The following HSPG2 variants were observed in gnomAD, a reference collection of about 807,000 sequenced individuals.
HSPG2 encodes heparan sulfate proteoglycan 2.
HSPG2 carries 278 observed loss-of-function variants against 526.6 expected under a neutral mutation model. That is an observed-to-expected ratio of 0.53 (90% CI 0.48 to 0.58). The LOEUF (loss-of-function observed/expected upper bound fraction) is 0.58, where lower values mean the gene tolerates loss of function less well. HSPG2 is among the 20% of genes least tolerant of loss of function. HSPG2 has a pLI of 0.00. For missense variants in HSPG2, 5,354 were observed against 6,099.5 expected, an observed-to-expected ratio of 0.88 and a Z score of 4.07; for synonymous variants, 2,465 against 2,555.4, an observed-to-expected ratio of 0.96 and a Z score of 1.07.
chr1:21,869,356 G>A, intron 33 of HSPG2: 1 of 686,052 alleles, frequency 1.5e-6, no homozygotes, highest in Non-Finnish European at 1.8e-6. Flanking sequence ...AAATTGGAAA[G>A]AAATAATAGT....
Position 21,831,715 on chromosome 1 carries a change from C to T in HSPG2, c.11289G>A (p.Leu3763=), listed in dbSNP as rs375617316. The change falls in exon 82 of 97, where the codon CTG becomes CTA. Residue 3763 remains leucine (L), a synonymous_variant. Transcript: ENST00000374695. ...ALGHFHTVTL[L]RSLTQGSLIV... Reference sequence around the variant, plus strand: ...TCAGGGAGCCCTGGGTGAGGCTGCGCAGCAGGGTCACGGTGTGGAAATGGC... The same window carrying T: ...TCAGGGAGCCCTGGGTGAGGCTGCGTAGCAGGGTCACGGTGTGGAAATGGC... 2.5e-4 allele frequency: 406 copies of T among 1,606,290 alleles called. 4 individuals carry two copies. In the East Asian group the frequency reaches 5.9e-3, roughly 23 times the overall value.
chr1:21,906,717 A>G (rs139997747), intron 1 of HSPG2, among the ~76,000 whole-genome samples: 675 of 57,386 alleles, frequency 0.012, 9 homozygotes, highest in African/African-American at 0.046. Flanking sequence ...AAGCAACATG[A>G]TGGGACTGGG....
rs774822789 is a variant in HSPG2, at chr1:21,851,852, G to T, written c.6945C>A (p.Asn2315Lys). ...DAGQYVCRASNGMEASITVTV... is the reference protein window; with the variant it reads ...DAGQYVCRASKGMEASITVTV... ...TGACCGTGATGGAGGCCTCCATGCC[G>T]TTGCTGGCCCGGCAGACGTACTGTC... The change falls in exon 54 of 97, where the codon AAC (asparagine) becomes AAA (lysine). Residue 2315 changes from asparagine to lysine, a missense_variant. Transcript: ENST00000374695. The T allele has an allele frequency of 6.2e-7, 1 of 1,613,440 alleles. No individual in the cohort carries two copies. Among genetic ancestry groups the T allele is most frequent in the Admixed American group, 1.7e-5 (1 of 60,016 alleles).
chr1:21,890,024 G>A lies in HSPG2; in HGVS notation c.531C>T (p.Tyr177=), dbSNP rs764142994. 1.5e-5 allele frequency: 25 copies of A among 1,613,958 alleles called. No individual in the cohort carries two copies. Among genetic ancestry groups the A allele is most frequent in the South Asian group, 1.4e-4 (13 of 91,086 alleles). The change falls in exon 6 of 97, where the codon TAC becomes TAT. Residue 177 remains tyrosine, a synonymous_variant. Coordinates refer to ENST00000374695, the MANE Select transcript of HSPG2 (RefSeq NM_005529.7). This position sits in a 1 kb window ranked among gnomAD's most constrained non-coding sequence, Gnocchi z 4.1. ...RVISSGSVAS[Y]VTSPQGFQFR... ...ACTGGAATCCCTGGGGAGAGGTGAC[G>A]TAGGAGGCCACAGAGCCGCTGGAGA...
intron 1 of HSPG2, among the ~76,000 whole-genome samples, chr1:21,929,461 G>A (rs1418797538): frequency 2.0e-5 from 3 of 151,312 alleles, no homozygotes; most frequent in Non-Finnish European, 2.9e-5. Context: ...AGGCTGGAGC[G>A]CAGTGGCAAG....
intron 21 of HSPG2, chr1:21,877,388 T>C (rs2152750364): frequency 6.5e-6 from 1 of 153,114 alleles, no homozygotes; most frequent in East Asian, 1.9e-4. Flanking sequence ...GTGAAATGAC[T>C]TGCACAAAGT....
intron 1 of HSPG2, among the ~76,000 whole-genome samples, chr1:21,915,819 G>A (rs35316462): frequency 0.011 from 1,713 of 152,162 alleles, 19 homozygotes; most frequent in South Asian, 0.025. Flanking sequence ...GGAGGCCGAG[G>A]TGGGCGGATC....
chr1:21,833,638 GCCCTGGCCTTGGCCCACGGCT>G, intron 78 of HSPG2, 24 bp from the exon 79 acceptor site: 1 of 1,613,858 alleles, frequency 6.2e-7, no homozygotes, highest in South Asian at 1.1e-5. Flanking sequence ...AGCACTGAGG[GCCCTGGCCTTGGCCCACGGCT>G]CCAGGGGCCC....
At chr1:21,827,234 C>T (rs1164271678) in intron 91 of HSPG2, among the ~76,000 whole-genome samples, 1 of 152,118 alleles carries the variant, frequency 6.6e-6, no homozygotes, top group Non-Finnish European at 1.5e-5. Context: ...AGTAATTTTA[C>T]TCTCACATAA....
rs542307303 is a variant in HSPG2 at position 21,909,040 on chromosome 1, G to A, written c.64-12730C>T. Among the ~76,000 whole-genome samples, 61 of 152,330 alleles carry A rather than the reference G, an allele frequency of 4.0e-4. 1 individual carries two copies. In the South Asian group the frequency reaches 0.013, roughly 32 times the overall value. On this transcript the variant is annotated intron_variant, in intron 1 of 96. Coordinates refer to ENST00000374695, the MANE Select transcript of HSPG2 (RefSeq NM_005529.7). ...GGAGAATCGCTTGAACCCGGGAGGTGGAGGTTGCAGTGGGCCAAGATGGCG... is the reference window on the plus strand; with the variant it reads ...GGAGAATCGCTTGAACCCGGGAGGTAGAGGTTGCAGTGGGCCAAGATGGCG...
Position 21,855,804 on chromosome 1 carries a change from G to A in HSPG2, c.5684C>T (p.Pro1895Leu), listed in dbSNP as rs772032943. 5.0e-6 allele frequency: 8 copies of A among 1,613,246 alleles called. 1 individual carries two copies. In the South Asian group the frequency reaches 8.8e-5, roughly 18 times the overall value. Residue 1895 changes from proline (P) to leucine (L), a missense_variant, in exon 45 of 97, where the codon CCC becomes CTC. Coordinates refer to ENST00000374695, the MANE Select transcript of HSPG2 (RefSeq NM_005529.7). ...FRCSATGSPT[P>L]TLEWTGGPGG... ...GGCCTCACCTGTCCACTCGAGGGTGGGCGTGGGGCTCCCTGTGGCGCTGCA... is the reference window on the plus strand; with the variant it reads ...GGCCTCACCTGTCCACTCGAGGGTGAGCGTGGGGCTCCCTGTGGCGCTGCA...
intron 1 of HSPG2, 137 bp from the exon 2 acceptor site, chr1:21,896,447 A>C: frequency 9.3e-7 from 1 of 1,075,514 alleles, no homozygotes; most frequent in Non-Finnish European, 1.4e-6. Context: ...AGTATGGCTC[A>C]GTGAGCCAGG....
chr1:21,856,446 C>A (rs1442152260), intron 44 of HSPG2, among the ~76,000 whole-genome samples: 2 of 152,018 alleles, frequency 1.3e-5, no homozygotes, highest in Non-Finnish European at 2.9e-5. Context: ...GAGATGGATT[C>A]TTGCTCTGTC....
chr1:21,835,965 CAG>C (rs1342612426), intron 75 of HSPG2, among the ~76,000 whole-genome samples: 7 of 113,366 alleles, frequency 6.2e-5, no homozygotes, highest in African/African-American at 2.5e-4. Context: ...GCGTGGGTGA[CAG>C]AGTAAGATTC....
chr1:21,852,955 C>A lies in HSPG2; in HGVS notation c.6555G>T (p.Trp2185Cys). The change falls in exon 51 of 97, where the codon TGG becomes TGT. Residue 2185 changes from tryptophan (W) to cysteine (C), a missense_variant. Coordinates refer to ENST00000374695, the MANE Select transcript of HSPG2 (RefSeq NM_005529.7). ...CAGGGAGGCTGCCCCCACGCTTGTG[C>A]CACGTGACCTGGGCGTGGGCCTGCC... ...VPGQAHAQVT[W>C]HKRGGSLPAR... 6.2e-7 allele frequency: 1 copy of A among 1,613,486 alleles called. No homozygotes were observed. The highest frequency in any genetic ancestry group is 8.5e-7 in the Non-Finnish European group (1 of 1,179,882).
At chr1:21,873,200 C>A in intron 30 of HSPG2, 109 bp from the exon 31 acceptor site, 1 of 1,138,246 alleles carries the variant, frequency 8.8e-7, no homozygotes, top group Non-Finnish European at 1.3e-6. Flanking sequence ...GATGTGAGTA[C>A]TCAACACTCT....
In HSPG2 at chr1:21,839,599, AC is replaced by A; in HGVS notation, c.9710-50del. The stretch of plus-strand genomic sequence containing the variant: ...CAGAAGTCACTGGGCTACCTCAGGG[AC>A]CCGCAGAGGGTGGCCATGGTGAGGA... On this transcript the variant is annotated intron_variant, in intron 72 of 96. Transcript: ENST00000374695. The surrounding 1 kb of genome is among the most constrained non-coding windows in gnomAD (Gnocchi z 4.5). 3 of 1,600,286 alleles carry A rather than the reference AC, an allele frequency of 1.9e-6. No homozygotes were observed. Among genetic ancestry groups the A allele is most frequent in the Non-Finnish European group, 2.6e-6 (3 of 1,171,276 alleles).
At position 21,931,881 on chromosome 1, in the gene HSPG2, G is replaced by A. The variant is rs533431309; in HGVS notation, c.63+5274C>T. Among the ~76,000 whole-genome samples the A allele has an allele frequency of 2.6e-5, 4 of 152,280 alleles. No individual in the cohort carries two copies. In the East Asian group the frequency reaches 5.8e-4, roughly 22 times the overall value. ...AGGCTCCACACAGGACAACCAGGAG[G>A]GTGTTCTTCCCCTTCCCCCACTAGC... On this transcript the variant is annotated intron_variant, in intron 1 of 96. Transcript: ENST00000374695.
intron 37 of HSPG2, 78 bp from the exon 38 acceptor site, chr1:21,862,193 T>C: frequency 1.3e-6 from 2 of 1,522,740 alleles, no homozygotes; most frequent in East Asian, 4.5e-5. Flanking sequence ...AATCCCTTGA[T>C]CTAGAAATTC....
Sources: allele counts gnomAD v4.1 joint callset (sites outside exome capture counted in the v4.1 genomes callset), GRCh38; gene constraint gnomAD v4.1.1; non-coding constraint Gnocchi (gnomAD v3.1); transcripts MANE v1.5; gene names NCBI Gene and HGNC (gene_info 2026-07-23, HGNC 2026-07-21).